The following SAXO1 variants were observed in gnomAD, a reference collection of about 807,000 sequenced individuals.
The protein encoded by SAXO1 is 4930500O09Rik.
Under a neutral mutation model 17.5 loss-of-function variants are expected in SAXO1, and 21 were observed. The ratio of observed to expected loss-of-function variants is 1.20; its 90% CI spans 0.85 to 1.72. The LOEUF (loss-of-function observed/expected upper bound fraction) is 1.72. Among genes scored for constraint, SAXO1 ranks in the 40% most tolerant of loss-of-function variants. The pLI is 0.00. For synonymous variants in SAXO1, 274 were observed against 216.5 expected, an observed-to-expected ratio of 1.27 and a Z score of -2.33; for missense variants, 843 against 596.0, an observed-to-expected ratio of 1.41 and a Z score of -4.32.
chr9:19,024,012 CTTTTTTTTTT>C (rs71333077), intron 1 of SAXO1, among the ~76,000 whole-genome samples: 56 of 38,126 alleles, frequency 1.5e-3, no homozygotes, highest in African/African-American at 5.6e-3. Flanking sequence ...CTCTTTAAGG[CTTTTTTTTTT>C]TTTTTTTTTT....
chr9:19,027,282 C>T, intron 1 of SAXO1: 1 of 910,236 alleles, frequency 1.1e-6, no homozygotes, highest in Admixed American at 1.7e-5. Flanking sequence ...AAAGCTAAAG[C>T]CAGGAGACCT....
At chr9:19,028,341 A>C (rs1835603389) in intron 1 of SAXO1, among the ~76,000 whole-genome samples, 2 of 152,148 alleles carry the variant, frequency 1.3e-5, no homozygotes, top group Non-Finnish European at 2.9e-5. Context: ...GCGCCATTGC[A>C]CTCCAGCCTG....
chr9:19,039,650 T>C (rs1836027499), intron 1 of SAXO1, among the ~76,000 whole-genome samples: 1 of 152,252 alleles, frequency 6.6e-6, no homozygotes, highest in Admixed American at 6.5e-5. Flanking sequence ...TACCAAGTGC[T>C]GCATTTTAAG....
intron 3 of SAXO1, among the ~76,000 whole-genome samples, chr9:18,935,504 C>A (rs1460825603): frequency 6.6e-6 from 1 of 152,136 alleles, no homozygotes; most frequent in Non-Finnish European, 1.5e-5. Context: ...CTGCATGTAG[C>A]CTTGCCCATG....
intron 1 of SAXO1, chr9:19,026,973 C>G (rs182823721): frequency 3.3e-6 from 3 of 906,866 alleles, no homozygotes; most frequent in Non-Finnish European, 5.5e-6. Flanking sequence ...GATCATCCAG[C>G]GCACATGGCT....
chr9:18,970,657 G>C (rs1426819917), intron 1 of SAXO1, among the ~76,000 whole-genome samples: 1 of 152,210 alleles, frequency 6.6e-6, no homozygotes, highest in Admixed American at 6.5e-5. Context: ...GTGACAACTT[G>C]AGTGGGGCCA....
chr9:19,036,238 A>G (rs1299751675), upstream of SAXO1, among the ~76,000 whole-genome samples: 65 of 145,612 alleles, frequency 4.5e-4, no homozygotes, highest in Admixed American at 4.4e-3. Flanking sequence ...CATGTACCCC[A>G]GAACTTAAAG....
chr9:18,993,734 A>C (rs748338060), intron 1 of SAXO1, among the ~76,000 whole-genome samples: 4 of 152,208 alleles, frequency 2.6e-5, no homozygotes, highest in Non-Finnish European at 4.4e-5. Flanking sequence ...CAAGACCTTC[A>C]TATGGAGACC....
chr9:19,041,591 A>C (rs1422105952), intron 1 of SAXO1, among the ~76,000 whole-genome samples: 1 of 152,226 alleles, frequency 6.6e-6, no homozygotes, highest in Non-Finnish European at 1.5e-5. Flanking sequence ...CTAGCATAAA[A>C]ACAGACACAT....
chr9:18,940,674 T>C (rs1039117238), intron 3 of SAXO1, among the ~76,000 whole-genome samples: 6 of 152,350 alleles, frequency 3.9e-5, no homozygotes, highest in African/African-American at 1.2e-4. Context: ...AAGCATGAGT[T>C]ATTGATTACA....
chr9:18,951,239 G>A (rs1465509599), intron 1 of SAXO1, among the ~76,000 whole-genome samples: 2 of 152,062 alleles, frequency 1.3e-5, no homozygotes, highest in African/African-American at 4.8e-5. Context: ...TAGAGAAATG[G>A]CTGTGTCCCC....
intron 1 of SAXO1, among the ~76,000 whole-genome samples, chr9:18,956,245 C>T (rs981000454): frequency 6.6e-6 from 1 of 151,864 alleles, no homozygotes; most frequent in African/African-American, 2.4e-5. Flanking sequence ...GCACCATGAC[C>T]AGCATCAACT....
At chr9:18,961,197 C>T (rs1280847590) in intron 1 of SAXO1, among the ~76,000 whole-genome samples, 2 of 150,046 alleles carry the variant, frequency 1.3e-5, no homozygotes, top group African/African-American at 5.0e-5. Flanking sequence ...TGGGGGTTCT[C>T]GCTCTGTCAG....
chr9:18,982,619 G>C (rs1211254908), intron 1 of SAXO1, among the ~76,000 whole-genome samples: 1 of 152,116 alleles, frequency 6.6e-6, no homozygotes, highest in Non-Finnish European at 1.5e-5. Context: ...CAGTTGGGAG[G>C]GAGAGCAATA....
intron 3 of SAXO1, among the ~76,000 whole-genome samples, chr9:18,940,758 C>A (rs888549438): frequency 4.0e-4 from 61 of 152,316 alleles, no homozygotes; most frequent in African/African-American, 1.3e-3. Context: ...TAGCAAAACA[C>A]ATATGACCAC....
intron 1 of SAXO1, among the ~76,000 whole-genome samples, chr9:18,977,731 C>T (rs149202664): frequency 1.3e-5 from 2 of 152,062 alleles, no homozygotes; most frequent in East Asian, 1.9e-4. Context: ...TGGTGGCTCA[C>T]GGCTGTAAAT....
chr9:18,936,347 CAT>C (rs1038891270), intron 3 of SAXO1, among the ~76,000 whole-genome samples: 1 of 152,148 alleles, frequency 6.6e-6, no homozygotes, highest in African/African-American at 2.4e-5. Flanking sequence ...ATATAAACCA[CAT>C]GTTTCCTGCC....
intron 2 of SAXO1, among the ~76,000 whole-genome samples, chr9:18,943,468 C>T (rs983537782): frequency 4.6e-5 from 7 of 152,136 alleles, no homozygotes; most frequent in Non-Finnish European, 1.0e-4. Flanking sequence ...AGCACTAAAC[C>T]AATTGTAGCA....
chr9:18,932,535 A>C (rs902311381), intron 3 of SAXO1, among the ~76,000 whole-genome samples: 11 of 152,222 alleles, frequency 7.2e-5, no homozygotes, highest in African/African-American at 2.7e-4. Flanking sequence ...TCATATATAA[A>C]ACCTAAAATT....
Sources: gnomAD v4.1 joint callset for allele counts (sites outside exome capture counted in the v4.1 genomes callset) on GRCh38, gnomAD v4.1.1 for gene constraint, MANE v1.5 for transcripts, NCBI Gene and HGNC (gene_info 2026-07-23, HGNC 2026-07-21) for gene names.